The following ELAVL2 variants were observed in gnomAD, a reference collection of about 807,000 sequenced individuals.
ELAVL2 encodes ELAV-like protein 2.
ELAVL2 carries 4 observed loss-of-function variants against 34.6 expected under a neutral mutation model. The ratio of observed to expected loss-of-function variants is 0.12; its 90% confidence interval spans 0.06 to 0.26. ELAVL2 has a LOEUF of 0.26. ELAVL2 is among the 10% of genes least tolerant of loss of function. The pLI is 1.00. For missense variants in ELAVL2, 432 were observed against 442.8 expected (o/e 0.98, Z 0.22); for synonymous variants, 193 against 154.8 (o/e 1.25, Z -1.83).
rs141887063 is a variant in ELAVL2, at chr9:23,793,046, G to A, written c.-15-30797C>T. ...TCCCCGCAAGGCCTCCCAAAGTGCTGGGATTACAGGAGTGAGGCACCACTG... is the reference window on the plus strand; with the variant it reads ...TCCCCGCAAGGCCTCCCAAAGTGCTAGGATTACAGGAGTGAGGCACCACTG... On this transcript the variant is annotated intron_variant, in intron 1 of 6. Coordinates refer to ENST00000397312, the MANE Select transcript of ELAVL2 (RefSeq NM_004432.5). Among the ~76,000 whole-genome samples the A allele has an allele frequency of 1.1e-3, 174 of 152,210 alleles. 2 individuals carry two copies. The East Asian group carries it at 0.015, about 14-fold the overall frequency.
intron 2 of ELAVL2, among the ~76,000 whole-genome samples, chr9:23,760,832 G>C (rs2054805277): frequency 6.6e-6 from 1 of 152,048 alleles, no homozygotes; most frequent in South Asian, 2.1e-4. Flanking sequence ...TCTGTAGCTT[G>C]AGGAAATATG....
intron 3 of ELAVL2, among the ~76,000 whole-genome samples, chr9:23,716,686 C>A (rs543968954): frequency 6.6e-6 from 1 of 152,128 alleles, no homozygotes; most frequent in Non-Finnish European, 1.5e-5. Context: ...AGCAGACCAC[C>A]AAATAGATGA....
rs187681587 is a variant in ELAVL2, at chr9:23,813,624, T to A, written c.-16+12182A>T. On this transcript the variant is annotated intron_variant, in intron 1 of 6. Coordinates refer to ENST00000397312, the MANE Select transcript of ELAVL2 (RefSeq NM_004432.5). ...GGCAGGGAGAAATCCCTACTCCCAA[T>A]GGGGACAGTTCTAAAATCCCAGGGG... Among the ~76,000 whole-genome samples, 48 of 152,144 alleles carry A rather than the reference T, an allele frequency of 3.2e-4. No individual in the cohort carries two copies. The East Asian group carries it at 9.1e-3, about 29-fold the overall frequency.
chr9:23,745,101 G>T (rs1401255479), intron 2 of ELAVL2, among the ~76,000 whole-genome samples: 1 of 152,078 alleles, frequency 6.6e-6, no homozygotes, highest in Non-Finnish European at 1.5e-5. Context: ...CTACTCGGGA[G>T]GCCAAGGTGG....
intron 1 of ELAVL2, among the ~76,000 whole-genome samples, chr9:23,822,960 C>G (rs901070842): frequency 1.3e-5 from 2 of 152,182 alleles, no homozygotes; most frequent in African/African-American, 4.8e-5. Context: ...CTCGTCTAAC[C>G]CAGGGCGGGT....
the ELAVL2 span, among the ~76,000 whole-genome samples, chr9:23,833,420 CT>C: frequency 3.3e-5 from 5 of 151,610 alleles, no homozygotes. Flanking sequence ...TTAAACTGTT[CT>C]TTAATACAGA....
At position 23,808,812 on chromosome 9, in the gene ELAVL2, A is replaced by G. The variant is rs138397246; in HGVS notation, c.-16+16994T>C. ...ATAATGAAAAATTCCTTATGGGTAA[A>G]GTTCCAGAAAATTCCTTAAGGAGTC... On this transcript the variant is annotated intron_variant, in intron 1 of 6. Coordinates refer to ENST00000397312, the MANE Select transcript of ELAVL2 (RefSeq NM_004432.5). Among the ~76,000 whole-genome samples, 1,058 of 152,266 alleles carry G rather than the reference A, an allele frequency of 6.9e-3. 11 individuals carry two copies. The highest frequency in any genetic ancestry group is 0.024 in the African/African-American group (987 of 41,554).
At chr9:23,707,305 C>G (rs1204002281) in intron 3 of ELAVL2, among the ~76,000 whole-genome samples, 2 of 152,190 alleles carry the variant, frequency 1.3e-5, no homozygotes, top group African/African-American at 4.8e-5. Context: ...AATTTCTTTT[C>G]TCGTGTAAGA....
intron 3 of ELAVL2, 102 bp downstream of exon 3, chr9:23,730,920 G>T: frequency 1.8e-6 from 2 of 1,105,832 alleles, no homozygotes; most frequent in Non-Finnish European, 2.5e-6. Flanking sequence ...CCAGGTAACT[G>T]TTTATATGGG....
intron 3 of ELAVL2, among the ~76,000 whole-genome samples, chr9:23,705,704 G>C (rs1587418001): frequency 6.6e-6 from 1 of 152,218 alleles, no homozygotes; most frequent in Non-Finnish European, 1.5e-5. Flanking sequence ...AATAGGGTTT[G>C]TGCCCTGATG....
intron 1 of ELAVL2, among the ~76,000 whole-genome samples, chr9:23,798,201 T>C (rs961812827): frequency 1.3e-5 from 2 of 152,216 alleles, no homozygotes; most frequent in Non-Finnish European, 2.9e-5. Context: ...TGCAAGGTTA[T>C]TTATCTGAGG....
At chr9:23,743,558 A>C (rs2135296855) in intron 2 of ELAVL2, among the ~76,000 whole-genome samples, 1 of 152,280 alleles carries the variant, frequency 6.6e-6, no homozygotes, top group Admixed American at 6.5e-5. Context: ...TTTACCACTG[A>C]CTTTAAAGTA....
intron 5 of ELAVL2, among the ~76,000 whole-genome samples, chr9:23,699,567 A>C (rs1489096094): frequency 1.3e-5 from 2 of 152,202 alleles, no homozygotes; most frequent in Non-Finnish European, 2.9e-5. Flanking sequence ...AATTAACTGG[A>C]CAAGCTGCCT....
chr9:23,842,331 G>A, the ELAVL2 span, among the ~76,000 whole-genome samples: 1 of 152,078 alleles, frequency 6.6e-6, no homozygotes, highest in Admixed American at 6.6e-5. Flanking sequence ...TCAGAAACAT[G>A]TTCCAGTGCA....
upstream of ELAVL2, chr9:23,831,302 C>G (rs932978643): frequency 6.6e-6 from 1 of 152,354 alleles, no homozygotes; most frequent in South Asian, 2.1e-4. Context: ...CACCTCCCTC[C>G]GGTCTCTAAC....
At chr9:23,703,638 T>C (rs2038251154) in intron 4 of ELAVL2, among the ~76,000 whole-genome samples, 2 of 152,200 alleles carry the variant, frequency 1.3e-5, no homozygotes, top group South Asian at 4.1e-4. Flanking sequence ...TAAATGGATC[T>C]TCACTTGATG....
At chr9:23,717,975 T>A (rs1344809047) in intron 3 of ELAVL2, among the ~76,000 whole-genome samples, 1 of 152,186 alleles carries the variant, frequency 6.6e-6, no homozygotes, top group Non-Finnish European at 1.5e-5. Context: ...AACTTTTACA[T>A]TTGCTTATCC....
chr9:23,827,265 G>A (rs1485860118), upstream of ELAVL2, among the ~76,000 whole-genome samples: 1 of 152,132 alleles, frequency 6.6e-6, no homozygotes, highest in Non-Finnish European at 1.5e-5. Flanking sequence ...AGTTTAACCA[G>A]AAGACCAAGT....
intron 3 of ELAVL2, among the ~76,000 whole-genome samples, chr9:23,727,045 CT>C: frequency 6.6e-6 from 1 of 152,076 alleles, no homozygotes. Flanking sequence ...CACATATCAC[CT>C]TTTCACTACC....
Sources: gnomAD v4.1 joint callset for allele counts (sites outside exome capture counted in the v4.1 genomes callset) on GRCh38, gnomAD v4.1.1 for gene constraint, MANE v1.5 for transcripts, NCBI Gene and HGNC (gene_info 2026-07-23, HGNC 2026-07-21) for gene names.